Variants in TTLL5 observed in about 807,000 individuals in gnomAD.
TTLL5 encodes tubulin tyrosine ligase like 5.
TTLL5 carries 132 observed loss-of-function variants against 168.4 expected under a neutral mutation model. That is an observed-to-expected ratio of 0.78 (90% CI 0.68 to 0.91). The LOEUF (loss-of-function observed/expected upper bound fraction) is 0.91, where lower values mean the gene tolerates loss of function less well. TTLL5 is among the 40% of genes least tolerant of loss of function. TTLL5 has a pLI of 0.00. For missense variants in TTLL5, 1,545 were observed against 1,581.5 expected, an observed-to-expected ratio of 0.98 and a Z score of 0.39; for synonymous variants, 546 against 558.6, an observed-to-expected ratio of 0.98 and a Z score of 0.32.
intron 12 of TTLL5, among the ~76,000 whole-genome samples, chr14:75,725,293 C>T (rs925389716): frequency 4.6e-5 from 7 of 152,190 alleles, no homozygotes; most frequent in Non-Finnish European, 1.0e-4. Flanking sequence ...TGGCCACCCA[C>T]AGAAAAATAA....
At position 75,820,870 on chromosome 14, in the gene TTLL5, T is replaced by C. The variant is rs992596199; in HGVS notation, c.3326+709T>C. ...TGCTTTAGTGCCTATTAAATATGGATTAAATTGCATCAGTCCCTGAGTCGA... is the reference window on the plus strand; with the variant it reads ...TGCTTTAGTGCCTATTAAATATGGACTAAATTGCATCAGTCCCTGAGTCGA... On this transcript the variant is annotated intron_variant, in intron 28 of 31. Transcript: ENST00000298832. 3.3e-5 allele frequency: 5 copies of C among 151,594 alleles called. No homozygotes were observed. The East Asian group carries it at 9.7e-4, about 29-fold the overall frequency. 9.4% of individuals were successfully genotyped at this position (151,594 alleles called of 1,614,324 possible). A position where few individuals can be genotyped will look rare whatever the true frequency, so the allele number is the denominator to read the frequency against.
chr14:75,696,546 A>C (rs1442314350), intron 6 of TTLL5, among the ~76,000 whole-genome samples: 1 of 152,234 alleles, frequency 6.6e-6, no homozygotes, highest in African/African-American at 2.4e-5. Flanking sequence ...CAGTGGCCTC[A>C]CTTTATGGAA....
At chr14:75,793,475 C>T (rs1307479022) in intron 27 of TTLL5, among the ~76,000 whole-genome samples, 1 of 152,094 alleles carries the variant, frequency 6.6e-6, no homozygotes, top group Non-Finnish European at 1.5e-5. Flanking sequence ...TAACATTACC[C>T]TTTAAAAAAA....
Position 75,771,745 on chromosome 14 carries a change from C to G in TTLL5, c.2027C>G (p.Ala676Gly), listed in dbSNP as rs753623492. Reference protein sequence around the residue: ...QDNGNLSKMQARIAFSAYLQH... With the variant: ...QDNGNLSKMQGRIAFSAYLQH... ...TTGGATTTCTATAGCAAAATGCAGG[C>G]CCGAATAGCATTCTCTGCCTATCTC... Residue 676 changes from alanine (A) to glycine (G), a missense_variant, in exon 21 of 32, where the codon GCC becomes GGC. Coordinates refer to ENST00000298832, the MANE Select transcript of TTLL5 (RefSeq NM_015072.5). 1 of 1,613,740 alleles carries G rather than the reference C, an allele frequency of 6.2e-7. No individual in the cohort carries two copies. Among genetic ancestry groups the G allele is most frequent in the South Asian group, 1.1e-5 (1 of 90,980 alleles).
chr14:75,911,185 G>A (rs1336979421), intron 31 of TTLL5, among the ~76,000 whole-genome samples: 1 of 152,046 alleles, frequency 6.6e-6, no homozygotes, highest in African/African-American at 2.4e-5. Context: ...GCGCCACCAT[G>A]CATGGCTAAT....
At chr14:75,886,619 ATTTT>A (rs964484478) in intron 30 of TTLL5, 2 of 1,147,324 alleles carry the variant, frequency 1.7e-6, no homozygotes, top group African/African-American at 3.2e-5. Flanking sequence ...ATGATTTAAA[ATTTT>A]TTTTTTTACC....
intron 30 of TTLL5, among the ~76,000 whole-genome samples, chr14:75,900,437 C>G (rs1160053710): frequency 6.6e-6 from 1 of 152,162 alleles, no homozygotes. Context: ...CAGACACCAC[C>G]TGACTCTCCA....
At chr14:75,879,390 T>C (rs1417665110) in intron 29 of TTLL5, among the ~76,000 whole-genome samples, 1 of 152,258 alleles carries the variant, frequency 6.6e-6, no homozygotes, top group Non-Finnish European at 1.5e-5. Flanking sequence ...CACAAAGGAT[T>C]ACTGATAGGT....
intron 31 of TTLL5, among the ~76,000 whole-genome samples, chr14:75,921,260 T>A (rs531084456): frequency 5.3e-5 from 8 of 152,364 alleles, no homozygotes; most frequent in African/African-American, 1.9e-4. Context: ...TTGGCTTTTG[T>A]TGCCATTGCT....
intron 28 of TTLL5, among the ~76,000 whole-genome samples, chr14:75,841,332 C>T (rs764461666): frequency 1.2e-4 from 19 of 152,196 alleles, no homozygotes; most frequent in Non-Finnish European, 2.2e-4. Flanking sequence ...ACTCTACACC[C>T]TTCACACCCA....
chr14:75,704,818 A>G (rs916661078), intron 7 of TTLL5, among the ~76,000 whole-genome samples: 4 of 152,254 alleles, frequency 2.6e-5, no homozygotes, highest in African/African-American at 9.6e-5. Context: ...AATAGAACAC[A>G]TAGTAAAGTT....
intron 21 of TTLL5, among the ~76,000 whole-genome samples, chr14:75,774,907 T>G (rs1891626184): frequency 6.6e-6 from 1 of 152,176 alleles, no homozygotes; most frequent in African/African-American, 2.4e-5. Flanking sequence ...CAGGCTGATC[T>G]CGAACTCTTG....
At chr14:75,872,963 CT>C (rs910435967) in intron 29 of TTLL5, among the ~76,000 whole-genome samples, 2 of 151,182 alleles carry the variant, frequency 1.3e-5, no homozygotes, top group African/African-American at 4.9e-5. Flanking sequence ...TGTGTATCAC[CT>C]TTTTTTTATC....
chr14:75,871,725 G>T (rs551276626), intron 29 of TTLL5, among the ~76,000 whole-genome samples: 1 of 152,316 alleles, frequency 6.6e-6, no homozygotes, highest in South Asian at 2.1e-4. Flanking sequence ...CAGTAACTTT[G>T]TGTGAGATGA....
intron 31 of TTLL5, among the ~76,000 whole-genome samples, chr14:75,951,623 A>G (rs987452531): frequency 2.6e-5 from 4 of 151,892 alleles, no homozygotes; most frequent in Non-Finnish European, 5.9e-5. Context: ...TAGCCCAGGC[A>G]TGGTGGTACA....
intron 31 of TTLL5, among the ~76,000 whole-genome samples, chr14:75,905,481 T>C (rs1314325211): frequency 6.6e-6 from 1 of 152,226 alleles, no homozygotes; most frequent in East Asian, 1.9e-4. Context: ...GATAGTGAAT[T>C]GAAAGCTCTT....
chr14:75,842,001 A>G (rs534164353), intron 28 of TTLL5, among the ~76,000 whole-genome samples: 2 of 152,306 alleles, frequency 1.3e-5, no homozygotes, highest in East Asian at 3.9e-4. Context: ...AATGTGCCAT[A>G]ATTTGTTTTT....
chr14:75,742,953 C>T (rs1165199873), intron 15 of TTLL5, among the ~76,000 whole-genome samples: 2 of 152,200 alleles, frequency 1.3e-5, no homozygotes, highest in Non-Finnish European at 2.9e-5. Context: ...TTAACATCTA[C>T]TGTTTAATTT....
At chr14:75,945,039 A>G (rs899146203) in intron 31 of TTLL5, among the ~76,000 whole-genome samples, 1 of 151,884 alleles carries the variant, frequency 6.6e-6, no homozygotes, top group Non-Finnish European at 1.5e-5. Context: ...CAAGGGAAAA[A>G]CCAGGGGAGA....
Sources: allele counts gnomAD v4.1 joint callset (sites outside exome capture counted in the v4.1 genomes callset), GRCh38; gene constraint gnomAD v4.1.1; transcripts MANE v1.5; gene names NCBI Gene and HGNC (gene_info 2026-07-23, HGNC 2026-07-21).